Variants in ZSWIM7 observed in about 807,000 individuals in gnomAD.
ZSWIM7 encodes zinc finger SWIM-type containing 7.
ZSWIM7 carries 22 observed loss-of-function variants against 21.1 expected under a neutral mutation model. That is an observed-to-expected ratio of 1.04 (90% CI 0.74 to 1.49). ZSWIM7 has a LOEUF of 1.49. ZSWIM7 is among the 40% of genes most tolerant of loss of function. The probability of loss-of-function intolerance (pLI) is 0.00; values close to 1 mark genes in which losing one functional copy is unlikely to be tolerated. For synonymous variants in ZSWIM7, 67 were observed against 66.5 expected, an observed-to-expected ratio of 1.01 and a Z score of -0.04; for missense variants, 193 against 168.0, an observed-to-expected ratio of 1.15 and a Z score of -0.82.
intron 1 of ZSWIM7, 28 bp downstream of exon 1, chr17:15,999,491 G>A: frequency 6.3e-7 from 1 of 1,594,424 alleles, no homozygotes; most frequent in African/African-American, 1.3e-5. Flanking sequence ...CGCCCATGGC[G>A]CAGCCACACA....
At chr17:15,989,538 G>C (rs796891907) in intron 2 of ZSWIM7, among the ~76,000 whole-genome samples, 1 of 152,098 alleles carries the variant, frequency 6.6e-6, no homozygotes, top group Non-Finnish European at 1.5e-5. Flanking sequence ...GGGTGGTCTT[G>C]AACTCCTGAC....
intron 3 of ZSWIM7, among the ~76,000 whole-genome samples, chr17:15,984,279 A>T (rs1193339782): frequency 6.6e-6 from 1 of 152,258 alleles, no homozygotes; most frequent in Non-Finnish European, 1.5e-5. Flanking sequence ...TCTGAGTTAG[A>T]AACATTTAGA....
At chr17:15,998,050 G>A (rs1319503696) in intron 1 of ZSWIM7, among the ~76,000 whole-genome samples, 1 of 151,942 alleles carries the variant, frequency 6.6e-6, no homozygotes, top group Non-Finnish European at 1.5e-5. Flanking sequence ...GCACTGAGCT[G>A]AGATCGCCCA....
chr17:15,993,212 T>TG lies in ZSWIM7; in HGVS notation c.98+544dup, dbSNP rs553001601. On this transcript the variant is annotated intron_variant, in intron 2 of 4. Coordinates refer to ENST00000399277, the MANE Select transcript of ZSWIM7 (RefSeq NM_001042697.2). ...ATTTTTAAAATTATTTTCGTAGAGA[T>TG]GGGGGGTCTCCCTATTTTGCTAGAG... Among the ~76,000 whole-genome samples the TG allele has an allele frequency of 1.8e-3, 275 of 151,752 alleles. 3 individuals carry two copies. Among genetic ancestry groups the TG allele is most frequent in the African/African-American group, 5.0e-3 (205 of 41,366 alleles).
At chr17:15,987,437 G>A (rs2151625180) in intron 2 of ZSWIM7, 69 bp from the exon 3 acceptor site, 2 of 1,276,230 alleles carry the variant, frequency 1.6e-6, no homozygotes, top group Non-Finnish European at 2.2e-6. Context: ...TTGCCCAAAG[G>A]ATCACTAGAC....
intron 1 of ZSWIM7, among the ~76,000 whole-genome samples, chr17:15,994,717 A>G (rs938084630): frequency 6.6e-6 from 1 of 152,166 alleles, no homozygotes; most frequent in Admixed American, 6.5e-5. Flanking sequence ...CTTCCCTAAC[A>G]TGGCTCCCAT....
At chr17:15,979,676 C>A (rs1567788847) in intron 4 of ZSWIM7, among the ~76,000 whole-genome samples, 1 of 132,950 alleles carries the variant, frequency 7.5e-6, no homozygotes, top group Non-Finnish European at 1.6e-5. Flanking sequence ...ACTGACCCCC[C>A]CCACCTCCCT....
intron 4 of ZSWIM7, among the ~76,000 whole-genome samples, chr17:15,979,798 A>AC (rs1308160071): frequency 2.8e-3 from 201 of 71,630 alleles, no homozygotes; most frequent in African/African-American, 4.4e-3. Context: ...CGGGGGGCTG[A>AC]CCCCCCCACC....
At chr17:15,978,943 CTCTCTT>C (rs998822053) in intron 4 of ZSWIM7, among the ~76,000 whole-genome samples, 2 of 147,434 alleles carry the variant, frequency 1.4e-5, no homozygotes, top group African/African-American at 5.1e-5. Context: ...CTAGGCTACT[CTCTCTT>C]TTTTTTTTTT....
chr17:15,999,429 G>C (rs758719525), intron 1 of ZSWIM7, 90 bp downstream of exon 1: 3 of 1,498,084 alleles, frequency 2.0e-6, no homozygotes, highest in Non-Finnish European at 2.7e-6. Flanking sequence ...GGCCAGGCCC[G>C]GACACCCCGC....
chr17:15,991,768 T>C (rs1165001188), intron 2 of ZSWIM7, among the ~76,000 whole-genome samples: 2 of 152,150 alleles, frequency 1.3e-5, no homozygotes, highest in African/African-American at 4.8e-5. Flanking sequence ...TGGTAGAGCT[T>C]GGTATATATT....
rs1970432135 is a variant in ZSWIM7 at position 15,987,693 on chromosome 17, C to G, written c.99-325G>C. On this transcript the variant is annotated intron_variant, in intron 2 of 4. Transcript: ENST00000399277. Reference sequence around the variant, plus strand: ...TGGCGCAATCTTGGCTCACCGTAACCTCTGCCTCCCGAGTTCAAGCGATTC... The same window carrying G: ...TGGCGCAATCTTGGCTCACCGTAACGTCTGCCTCCCGAGTTCAAGCGATTC... 2.6e-5 allele frequency among the ~76,000 whole-genome samples: 4 copies of G among 152,122 alleles called. No homozygotes were observed. The South Asian group carries it at 6.2e-4, about 24-fold the overall frequency.
At chr17:15,993,193 A>G (rs1970506913) in intron 2 of ZSWIM7, among the ~76,000 whole-genome samples, 1 of 151,358 alleles carries the variant, frequency 6.6e-6, no homozygotes, top group African/African-American at 2.4e-5. Flanking sequence ...TTCTATTTTT[A>G]AAATTATTTT....
chr17:15,979,458 C>T (rs1024619423), intron 4 of ZSWIM7, among the ~76,000 whole-genome samples: 3 of 152,188 alleles, frequency 2.0e-5, no homozygotes, highest in Non-Finnish European at 2.9e-5. Flanking sequence ...TTCTATTCCA[C>T]AAAACCGCCA....
intron 3 of ZSWIM7, among the ~76,000 whole-genome samples, chr17:15,985,141 T>C (rs893190747): frequency 1.3e-5 from 2 of 151,912 alleles, no homozygotes; most frequent in Admixed American, 6.6e-5. Flanking sequence ...CCATCTCTAC[T>C]AAAAATACAA....
In ZSWIM7 at chr17:15,979,897, C is replaced by T. The variant is rs542524196; in HGVS notation, c.306+1143G>A. On this transcript the variant is annotated intron_variant, in intron 4 of 4. Coordinates refer to ENST00000399277, the MANE Select transcript of ZSWIM7 (RefSeq NM_001042697.2). ...GGGGCTGACCCCCCCACCTCCCTCCCGGACGGGGGGCTGAACCCCCCACCT... is the reference window on the plus strand; with the variant it reads ...GGGGCTGACCCCCCCACCTCCCTCCTGGACGGGGGGCTGAACCCCCCACCT... Among the ~76,000 whole-genome samples the T allele has an allele frequency of 9.7e-4, 64 of 65,920 alleles. 11 individuals carry two copies. Among genetic ancestry groups the T allele is most frequent in the East Asian group, 8.9e-3 (30 of 3,360 alleles). The allele number at this position is 65,920 out of a possible 152,430, so 43.2% of individuals were successfully genotyped here.
intron 1 of ZSWIM7, among the ~76,000 whole-genome samples, chr17:15,994,313 A>T (rs1970523020): frequency 6.6e-6 from 1 of 152,218 alleles, no homozygotes; most frequent in African/African-American, 2.4e-5. Flanking sequence ...AACAACAGCC[A>T]TGATACATTG....
chr17:15,999,446 C>T (rs1281557463), intron 1 of ZSWIM7, 73 bp downstream of exon 1: 2 of 1,559,646 alleles, frequency 1.3e-6, no homozygotes, highest in Admixed American at 1.8e-5. Context: ...CCGCCTCCTG[C>T]CTCCCGGCCC....
intron 1 of ZSWIM7, 109 bp from the exon 2 acceptor site, chr17:15,993,887 A>T (rs1970514994): frequency 2.6e-6 from 2 of 759,042 alleles, no homozygotes; most frequent in East Asian, 2.6e-5. Flanking sequence ...GTGATGGTCA[A>T]CTGAACCTAT....
Sources: gnomAD v4.1 joint callset for allele counts (sites outside exome capture counted in the v4.1 genomes callset) on GRCh38, gnomAD v4.1.1 for gene constraint, MANE v1.5 for transcripts, NCBI Gene and HGNC (gene_info 2026-07-23, HGNC 2026-07-21) for gene names.